Variants in BRD3 observed in about 807,000 individuals in gnomAD.
BRD3 encodes bromodomain containing 3.
BRD3 carries 17 observed loss-of-function variants against 66.8 expected under a neutral mutation model. The observed-to-expected ratio is 0.25, with a 90% CI of 0.17 to 0.38. The LOEUF is 0.38. Among genes scored for constraint, BRD3 ranks in the 10% least tolerant of loss-of-function variants. The pLI is 1.00. For missense variants in BRD3, 713 were observed against 956.1 expected (o/e 0.75, Z 3.35); for synonymous variants, 421 against 393.2 (o/e 1.07, Z -0.84).
At chr9:134,037,573 A>C (rs1055034437) in intron 9 of BRD3, among the ~76,000 whole-genome samples, 11 of 152,252 alleles carry the variant, frequency 7.2e-5, no homozygotes, top group Admixed American at 3.3e-4. Flanking sequence ...TCCTTCTCAA[A>C]AAAATTTAAA....
intron 9 of BRD3, among the ~76,000 whole-genome samples, chr9:134,038,152 C>CT (rs1271719861): frequency 4.6e-5 from 7 of 151,950 alleles, no homozygotes; most frequent in Non-Finnish European, 8.8e-5. Context: ...CCTTTCAAAT[C>CT]TTTTTTTTCT....
At chr9:134,067,298 G>A (rs1444519348) in intron 1 of BRD3, among the ~76,000 whole-genome samples, 7 of 151,586 alleles carry the variant, frequency 4.6e-5, no homozygotes, top group Non-Finnish European at 8.8e-5. Context: ...GTCAGCTCTG[G>A]GCCCGTAACT....
At chr9:134,054,835 G>A (rs1415103849) in intron 1 of BRD3, among the ~76,000 whole-genome samples, 2 of 152,138 alleles carry the variant, frequency 1.3e-5, no homozygotes, top group African/African-American at 4.8e-5. Context: ...CAAGCTGGAT[G>A]CTCAATGTCG....
chr9:134,066,632 G>A (rs904847726), intron 1 of BRD3, among the ~76,000 whole-genome samples: 1 of 152,006 alleles, frequency 6.6e-6, no homozygotes, highest in Admixed American at 6.6e-5. Flanking sequence ...AGGGTAAAAA[G>A]AAAACTCTTT....
chr9:134,053,095 T>A (rs1830338273), intron 2 of BRD3, among the ~76,000 whole-genome samples, 170 bp downstream of exon 2: 1 of 152,196 alleles, frequency 6.6e-6, no homozygotes, highest in South Asian at 2.1e-4. Flanking sequence ...CCCACGCCCA[T>A]GTGGCCCCTG....
intron 1 of BRD3, 130 bp downstream of exon 1, chr9:134,067,815 C>G (rs1177715132): frequency 6.9e-6 from 1 of 144,270 alleles, no homozygotes; most frequent in East Asian, 2.1e-4. Flanking sequence ...GCCCCGGGCG[C>G]CCGGTTCACC....
intron 1 of BRD3, among the ~76,000 whole-genome samples, chr9:134,064,016 C>T (rs867435714): frequency 3.9e-5 from 6 of 152,230 alleles, no homozygotes; most frequent in African/African-American, 1.4e-4. Context: ...CACCAGGCTC[C>T]GAAGGCCCTG....
At chr9:134,065,798 G>A (rs1403798104) in intron 1 of BRD3, among the ~76,000 whole-genome samples, 3 of 152,212 alleles carry the variant, frequency 2.0e-5, no homozygotes, top group African/African-American at 7.2e-5. Flanking sequence ...ACCAGGAATC[G>A]CACAAGGCCA....
chr9:134,051,106 T>G (rs1830284380), intron 4 of BRD3, among the ~76,000 whole-genome samples: 1 of 151,992 alleles, frequency 6.6e-6, no homozygotes, highest in Non-Finnish European at 1.5e-5. Context: ...ACCACCATGC[T>G]CCCTGACAGC....
chr9:134,037,304 G>A (rs1347412423), intron 9 of BRD3, among the ~76,000 whole-genome samples: 2 of 152,246 alleles, frequency 1.3e-5, no homozygotes, highest in Non-Finnish European at 2.9e-5. Context: ...GGGCGCGGTG[G>A]CTCACGCCTA....
At chr9:134,063,154 G>A (rs1075654) in intron 1 of BRD3, among the ~76,000 whole-genome samples, 13,294 of 152,300 alleles carry the variant, frequency 0.087, 787 homozygotes, top group Admixed American at 0.18. Flanking sequence ...TGGTTATTTC[G>A]TCTATGTTCT....
chr9:134,040,014 C>A lies in BRD3; in HGVS notation c.1643+20G>T. On this transcript the variant is annotated intron_variant, in intron 9 of 11. Coordinates refer to ENST00000303407, the MANE Select transcript of BRD3 (RefSeq NM_007371.4). ...TGCTGAGCGCTGGGCTCTTGGAGCC[C>A]GAGCAGGTCTGGAGCCCACCTGCCG... The A allele has an allele frequency of 6.4e-7, 1 of 1,573,828 alleles. No individual in the cohort carries two copies. The highest frequency in any genetic ancestry group is 2.3e-5 in the East Asian group (1 of 43,130).
At chr9:134,053,196 G>A in intron 2 of BRD3, 69 bp downstream of exon 2, 1 of 1,536,970 alleles carries the variant, frequency 6.5e-7, no homozygotes, top group Non-Finnish European at 9.0e-7. Context: ...TCCAGGATGG[G>A]GGCAGCAGGA....
Position 134,032,999 on chromosome 9 carries a change from C to T in BRD3, c.*591G>A, listed in dbSNP as rs1439869785. 1 of 397,540 alleles carries T rather than the reference C, an allele frequency of 2.5e-6. No individual in the cohort carries two copies. The highest frequency in any genetic ancestry group is 2.1e-5 in the African/African-American group (1 of 48,524). The allele number at this position is 397,540 out of a possible 1,614,324, so 24.6% of individuals were successfully genotyped here. On this transcript the variant is annotated 3_prime_UTR_variant, in exon 12 of 12. Transcript: ENST00000303407. ...GCGGAGAACGCACATCCCACCCGACCACCCCCCAAGGGCTCCACGCTCCGG... is the reference window on the plus strand; with the variant it reads ...GCGGAGAACGCACATCCCACCCGACTACCCCCCAAGGGCTCCACGCTCCGG...
chr9:134,041,145 G>A (rs1270530986), intron 8 of BRD3, among the ~76,000 whole-genome samples: 1 of 152,178 alleles, frequency 6.6e-6, no homozygotes, highest in African/African-American at 2.4e-5. Flanking sequence ...CTCCTGACTC[G>A]ACAGCCCTGC....
At chr9:134,055,251 A>G (rs1443748148) in intron 1 of BRD3, among the ~76,000 whole-genome samples, 1 of 152,126 alleles carries the variant, frequency 6.6e-6, no homozygotes, top group Non-Finnish European at 1.5e-5. Flanking sequence ...TGTTAAAACC[A>G]AGTCGGATCA....
Position 134,033,145 on chromosome 9 carries a change from C to T in BRD3, c.*445G>A. The T allele has an allele frequency of 2.5e-6, 1 of 399,804 alleles. No individual in the cohort carries two copies. The highest frequency in any genetic ancestry group is 4.4e-6 in the Non-Finnish European group (1 of 226,850). 24.8% of individuals were successfully genotyped at this position (399,804 alleles called of 1,614,324 possible). A position where few individuals can be genotyped will look rare whatever the true frequency, so the allele number is the denominator to read the frequency against. On this transcript the variant is annotated 3_prime_UTR_variant, in exon 12 of 12. Coordinates refer to ENST00000303407, the MANE Select transcript of BRD3 (RefSeq NM_007371.4). The surrounding 1 kb of genome is among the most constrained non-coding windows in gnomAD (Gnocchi z 5.1). ...GACACGAGGGTCAGAGCTCGGGGCC[C>T]AAATGACAAGGACAATGCGTGTTGA...
chr9:134,063,380 G>C (rs1206128624), intron 1 of BRD3, among the ~76,000 whole-genome samples: 2 of 152,200 alleles, frequency 1.3e-5, no homozygotes, highest in African/African-American at 4.8e-5. Flanking sequence ...TCTGTCCTGT[G>C]GTGTGGGCAG....
Position 134,050,469 on chromosome 9 carries a change from T to C in BRD3, c.619A>G (p.Asn207Asp), listed in dbSNP as rs777050800. ...AATPVPTITA[N>D]VTSVPVPPAA... ...GGGGGGACTGGGACCGACGTGACGTTTGCAGTGATGGTTGGTACAGGGGTG... is the reference window on the plus strand; with the variant it reads ...GGGGGGACTGGGACCGACGTGACGTCTGCAGTGATGGTTGGTACAGGGGTG... Residue 207 changes from asparagine (N) to aspartate (D), a missense_variant, in exon 5 of 12, where the codon AAC becomes GAC. This residue lies in a region of BRD3 where 120 missense variants were observed against 122.8 expected (regional missense o/e 0.98). Coordinates refer to ENST00000303407, the MANE Select transcript of BRD3 (RefSeq NM_007371.4). 4 of 1,612,022 alleles carry C rather than the reference T, an allele frequency of 2.5e-6. No homozygotes were observed. Among genetic ancestry groups the C allele is most frequent in the Middle Eastern group, 1.7e-4 (1 of 6,004 alleles).
Sources: allele counts gnomAD v4.1 joint callset (sites outside exome capture counted in the v4.1 genomes callset), GRCh38; gene constraint gnomAD v4.1.1; regional missense constraint gnomAD v4.1.1; non-coding constraint Gnocchi (gnomAD v3.1); transcripts MANE v1.5; gene names NCBI Gene and HGNC (gene_info 2026-07-23, HGNC 2026-07-21).